Variants in CDH18 observed in about 807,000 individuals in gnomAD.
CDH18 encodes the protein cadherin-18.
A neutral mutation model predicts 67.9 loss-of-function variants in CDH18; 31 were observed. The ratio of observed to expected loss-of-function variants is 0.46; its 90% CI spans 0.34 to 0.62. The LOEUF is 0.62. Among genes scored for constraint, CDH18 ranks in the 20% least tolerant of loss-of-function variants. CDH18 has a pLI of 0.01. For synonymous variants in CDH18, 362 were observed against 347.2 expected, an observed-to-expected ratio of 1.04 and a Z score of -0.48; for missense variants, 890 against 975.5, an observed-to-expected ratio of 0.91 and a Z score of 1.17.
chr5:19,596,543 T>C (rs947013437), intron 6 of CDH18, among the ~76,000 whole-genome samples: 6 of 152,162 alleles, frequency 3.9e-5, no homozygotes, highest in African/African-American at 9.6e-5. Flanking sequence ...AAACCAAAGA[T>C]GTCTTAGTTA....
chr5:20,309,238 G>A (rs1561959333), intron 1 of CDH18, among the ~76,000 whole-genome samples: 1 of 152,204 alleles, frequency 6.6e-6, no homozygotes, highest in South Asian at 2.1e-4. Flanking sequence ...AGAGAAGCAT[G>A]TGGGATTTTG....
At chr5:20,435,779 A>T (rs948404862) in intron 1 of CDH18, among the ~76,000 whole-genome samples, 21 of 152,024 alleles carry the variant, frequency 1.4e-4, no homozygotes, top group African/African-American at 5.1e-4. Context: ...AAGATACTTA[A>T]CTGTCACAAG....
intron 1 of CDH18, among the ~76,000 whole-genome samples, chr5:20,392,923 A>G (rs1363072282): frequency 6.6e-6 from 1 of 151,890 alleles, no homozygotes. Context: ...AAACTGAAAC[A>G]TATACTCACC....
At chr5:20,113,015 A>T (rs1371606757) in intron 2 of CDH18, among the ~76,000 whole-genome samples, 1 of 152,238 alleles carries the variant, frequency 6.6e-6, no homozygotes, top group Non-Finnish European at 1.5e-5. Context: ...CTTAAATCAG[A>T]CACATTACAA....
intron 3 of CDH18, among the ~76,000 whole-genome samples, chr5:19,774,948 ATGT>A (rs1375799328): frequency 2.0e-5 from 3 of 150,430 alleles, no homozygotes; most frequent in African/African-American, 4.9e-5. Flanking sequence ...CAATACCCTG[ATGT>A]TGGACTTTCA....
intron 3 of CDH18, among the ~76,000 whole-genome samples, chr5:19,751,293 G>C (rs901440108): frequency 6.6e-6 from 1 of 152,158 alleles, no homozygotes; most frequent in African/African-American, 2.4e-5. Context: ...GAAGATGTTG[G>C]TGGAGCTATT....
At chr5:20,477,980 T>C (rs1752551150) in intron 1 of CDH18, among the ~76,000 whole-genome samples, 1 of 152,150 alleles carries the variant, frequency 6.6e-6, no homozygotes, top group African/African-American at 2.4e-5. Context: ...CCAGTTGATA[T>C]TTCTAGACAC....
At position 20,387,544 on chromosome 5, in the gene CDH18, T is replaced by C. The variant is rs377261138; in HGVS notation, c.-579-132039A>G. Reference sequence around the variant, plus strand: ...ACAATTTGACTTCATCTTTTCCTAATTGAATACCCTTTATTTCTTTCTCCT... The same window carrying C: ...ACAATTTGACTTCATCTTTTCCTAACTGAATACCCTTTATTTCTTTCTCCT... On this transcript the variant is annotated intron_variant, in intron 1 of 14. Coordinates refer to the CDH18 transcript ENST00000507958. 1.5e-3 allele frequency among the ~76,000 whole-genome samples: 223 copies of C among 152,208 alleles called. 4 individuals are homozygous for C. The South Asian group carries it at 0.042, about 29-fold the overall frequency.
At chr5:20,396,875 C>T (rs1161397866) in intron 1 of CDH18, among the ~76,000 whole-genome samples, 2 of 151,968 alleles carry the variant, frequency 1.3e-5, no homozygotes, top group African/African-American at 4.8e-5. Context: ...AGTAAGTTTC[C>T]AAATAAAATT....
intron 5 of CDH18, among the ~76,000 whole-genome samples, chr5:19,701,000 T>A (rs1004687918): frequency 2.0e-5 from 3 of 151,756 alleles, no homozygotes; most frequent in Non-Finnish European, 1.5e-5. Flanking sequence ...TAAGCATCGA[T>A]CAAGAAATCC....
chr5:20,099,423 AGATAAT>A (rs1254764836), intron 2 of CDH18, among the ~76,000 whole-genome samples: 8 of 152,214 alleles, frequency 5.3e-5, no homozygotes, highest in Non-Finnish European at 1.2e-4. Context: ...CTCAAAATAA[AGATAAT>A]GATCTACTGA....
intron 1 of CDH18, among the ~76,000 whole-genome samples, chr5:20,569,837 T>C (rs1299346140): frequency 1.3e-5 from 2 of 152,254 alleles, no homozygotes; most frequent in South Asian, 2.1e-4. Flanking sequence ...ATAGAGAATA[T>C]TATTCAGTAA....
At chr5:20,022,187 C>A (rs950548078) in intron 2 of CDH18, among the ~76,000 whole-genome samples, 1 of 152,094 alleles carries the variant, frequency 6.6e-6, no homozygotes, top group African/African-American at 2.4e-5. Context: ...TTGACTATTC[C>A]ATTGAGTTCA....
chr5:20,249,002 T>C (rs767541231), intron 2 of CDH18, among the ~76,000 whole-genome samples: 4 of 152,254 alleles, frequency 2.6e-5, no homozygotes, highest in Middle Eastern at 3.4e-3. Context: ...TGTAGTAACA[T>C]AGGGAATACC....
At chr5:20,292,637 T>C (rs935614728) in intron 1 of CDH18, among the ~76,000 whole-genome samples, 7 of 152,188 alleles carry the variant, frequency 4.6e-5, no homozygotes, top group African/African-American at 1.7e-4. Context: ...AGCAGTGCCA[T>C]GTCTTTGTGA....
intron 3 of CDH18, among the ~76,000 whole-genome samples, chr5:19,812,383 A>G (rs977828595): frequency 1.3e-5 from 2 of 152,178 alleles, no homozygotes; most frequent in African/African-American, 4.8e-5. Flanking sequence ...GTGTATTATG[A>G]AAGTGCATGT....
intron 2 of CDH18, among the ~76,000 whole-genome samples, chr5:20,178,347 T>G (rs1737401590): frequency 1.3e-5 from 2 of 152,028 alleles, no homozygotes; most frequent in Middle Eastern, 3.4e-3. Context: ...TATCTATGTA[T>G]CTATCCATCT....
intron 2 of CDH18, among the ~76,000 whole-genome samples, chr5:20,160,617 G>A (rs1751901005): frequency 6.6e-6 from 1 of 151,912 alleles, no homozygotes; most frequent in Non-Finnish European, 1.5e-5. Flanking sequence ...TTTATCTTAG[G>A]AAATACTGTA....
At chr5:19,663,419 A>C (rs1369179353) in intron 5 of CDH18, among the ~76,000 whole-genome samples, 1 of 151,964 alleles carries the variant, frequency 6.6e-6, no homozygotes, top group Non-Finnish European at 1.5e-5. Flanking sequence ...ATATATGGAA[A>C]TTCATTGAGA....
Sources: gnomAD v4.1 joint callset for allele counts (sites outside exome capture counted in the v4.1 genomes callset) on GRCh38, gnomAD v4.1.1 for gene constraint, MANE v1.5 for transcripts, NCBI Gene and HGNC (gene_info 2026-07-23, HGNC 2026-07-21) for gene names.